The following SLTM variants were observed in gnomAD, a reference collection of about 807,000 sequenced individuals.
SLTM encodes SAFB-like transcription modulator.
A neutral mutation model predicts 134.6 loss-of-function variants in SLTM; 43 were observed. The observed-to-expected ratio is 0.32, with a 90% CI of 0.25 to 0.41. The LOEUF is 0.41. Ranked by LOEUF, SLTM falls within the 10% of genes least tolerant of loss-of-function variation. The probability of loss-of-function intolerance (pLI) is 1.00; values close to 1 mark genes in which losing one functional copy is unlikely to be tolerated. For synonymous variants in SLTM, 424 were observed against 432.3 expected, an observed-to-expected ratio of 0.98 and a Z score of 0.24; for missense variants, 1,055 against 1,288.8, an observed-to-expected ratio of 0.82 and a Z score of 2.78.
chr15:58,913,976 T>C (rs1467540045), intron 3 of SLTM, among the ~76,000 whole-genome samples: 2 of 152,204 alleles, frequency 1.3e-5, no homozygotes, highest in Non-Finnish European at 2.9e-5. Context: ...ATTTAATATT[T>C]ACCAAGCCAG....
At chr15:58,903,870 T>G (rs1182645636) in intron 5 of SLTM, among the ~76,000 whole-genome samples, 2 of 152,248 alleles carry the variant, frequency 1.3e-5, no homozygotes, top group African/African-American at 4.8e-5. Flanking sequence ...GTAAACAGCT[T>G]ATTTATAATA....
intron 9 of SLTM, among the ~76,000 whole-genome samples, chr15:58,896,209 C>A (rs78919512): frequency 2.6e-5 from 4 of 152,106 alleles, no homozygotes; most frequent in Non-Finnish European, 5.9e-5. Flanking sequence ...AAAGCCTCCC[C>A]TTTTTAACAC....
At chr15:58,907,999 C>CTGTG (rs1453964527) in intron 5 of SLTM, among the ~76,000 whole-genome samples, 1 of 43,548 alleles carries the variant, frequency 2.3e-5, no homozygotes, top group Non-Finnish European at 4.3e-5. Context: ...TATAAACATG[C>CTGTG]TGCGTGTGTG....
In SLTM at chr15:58,890,337, C is replaced by T; in HGVS notation, c.2023G>A (p.Glu675Lys). 6.2e-7 allele frequency: 1 copy of T among 1,614,122 alleles called. No homozygotes were observed. The highest frequency in any genetic ancestry group is 8.5e-7 in the Non-Finnish European group (1 of 1,180,006). Residue 675 changes from glutamate (E) to lysine (K), a missense_variant, in exon 15 of 21, where the codon GAG (glutamate) becomes AAG (lysine). Glu to Lys is a moderately conservative substitution (Grantham distance 56). Around this residue, in one of 3 missense-constraint regions of SLTM, gnomAD observed 776 missense variants for 962.2 expected, o/e 0.81. Coordinates refer to ENST00000380516, the MANE Select transcript of SLTM (RefSeq NM_024755.4). Reference protein sequence around the residue: ...ERLEIERQKLERERMERERLE... With the variant: ...ERLEIERQKLKRERMERERLE... ...CGTTCGCGTTCCATTCTCTCTCTCT[C>T]TAGTTTTTGCCTTTCAATTTCTAGG...
intron 19 of SLTM, 132 bp from the exon 20 acceptor site, chr15:58,883,918 T>A (rs1344783617): frequency 2.3e-6 from 2 of 875,640 alleles, no homozygotes; most frequent in African/African-American, 3.4e-5. Context: ...GCTAACATGG[T>A]GCAACCCCGT....
chr15:58,925,048 A>G (rs1219559903), intron 2 of SLTM, among the ~76,000 whole-genome samples: 1 of 147,258 alleles, frequency 6.8e-6, no homozygotes, highest in African/African-American at 2.5e-5. Flanking sequence ...CCCCTTAAAC[A>G]TTCACAAGAG....
At chr15:58,915,143 A>T (rs1314092004) in intron 3 of SLTM, among the ~76,000 whole-genome samples, 1 of 152,192 alleles carries the variant, frequency 6.6e-6, no homozygotes, top group Non-Finnish European at 1.5e-5. Context: ...GCGAGCTGAC[A>T]TCGCACCACT....
Position 58,930,357 on chromosome 15 carries a change from C to T in SLTM, c.250+1999G>A, listed in dbSNP as rs868339745. On this transcript the variant is annotated intron_variant, in intron 2 of 20. Coordinates refer to ENST00000380516, the MANE Select transcript of SLTM (RefSeq NM_024755.4). ...GTTGGCCAGGCTGCTCTCGAATTCC[C>T]GACCGCAGGTGATCCACCCGCCTCA... Among the ~76,000 whole-genome samples, 28 of 150,174 alleles carry T rather than the reference C, an allele frequency of 1.9e-4. No homozygotes were observed. The South Asian group carries it at 5.7e-3, about 31-fold the overall frequency.
chr15:58,901,323 T>G (rs747808398), intron 5 of SLTM, 36 bp from the exon 6 acceptor site: 12 of 1,556,170 alleles, frequency 7.7e-6, no homozygotes, highest in Middle Eastern at 1.7e-4. Flanking sequence ...TAAAATGAAT[T>G]CACATAAAAC....
At chr15:58,914,583 G>A (rs758402260) in intron 3 of SLTM, among the ~76,000 whole-genome samples, 88 of 152,170 alleles carry the variant, frequency 5.8e-4, no homozygotes, top group Non-Finnish European at 1.0e-3. Flanking sequence ...GTAGGGGAGC[G>A]TGAGGGGATG....
intron 4 of SLTM, 81 bp downstream of exon 4, chr15:58,913,418 A>T: frequency 8.3e-7 from 1 of 1,198,836 alleles, no homozygotes; most frequent in Non-Finnish European, 1.1e-6. Context: ...GAGACTTCCA[A>T]ATTGAACTAG....
At chr15:58,930,037 A>T (rs1258805180) in intron 2 of SLTM, among the ~76,000 whole-genome samples, 2 of 152,188 alleles carry the variant, frequency 1.3e-5, no homozygotes. Context: ...TAACAATGAT[A>T]GCCGGATTTC....
At chr15:58,921,990 G>C (rs1162688214) in intron 2 of SLTM, among the ~76,000 whole-genome samples, 9 of 152,054 alleles carry the variant, frequency 5.9e-5, no homozygotes, top group Admixed American at 5.9e-4. Context: ...GACCAGGCTA[G>C]TCTCGAACTC....
In SLTM at chr15:58,889,507, G is replaced by A. The variant is rs778305216; in HGVS notation, c.2127C>T (p.Leu709=). 3 of 1,614,062 alleles carry A rather than the reference G, an allele frequency of 1.9e-6. No homozygotes were observed. In the Admixed American group the frequency reaches 5.0e-5, roughly 27 times the overall value. ...AACGAAGCTGCTGTTGTTGCCTTCT[G>A]AGTTCCTCTCTTTCTCGAGCAATCC... ...AERIAREREE[L]RRQQQQLRYE... The change falls in exon 16 of 21, where the codon CTC becomes CTT. Residue 709 remains leucine (L), a synonymous_variant. Coordinates refer to ENST00000380516, the MANE Select transcript of SLTM (RefSeq NM_024755.4).
chr15:58,932,124 C>G, intron 2 of SLTM: 1 of 403,798 alleles, frequency 2.5e-6, no homozygotes, highest in Non-Finnish European at 4.6e-6. Flanking sequence ...TAATTTTTTC[C>G]GGAAGCAATA....
Position 58,925,832 on chromosome 15 carries a change from C to G in SLTM, c.250+6524G>C, listed in dbSNP as rs144648065. ...CTGTCAAAGGTAATTTAACTGGGTT[C>G]TTAATGAATTACCTTTCTATTCTAC... is the stretch of plus-strand genomic sequence containing the variant. On this transcript the variant is annotated intron_variant, in intron 2 of 20. Transcript: ENST00000380516. Among the ~76,000 whole-genome samples, 835 of 152,258 alleles carry G rather than the reference C, an allele frequency of 5.5e-3. 6 individuals carry two copies. Among genetic ancestry groups the G allele is most frequent in the African/African-American group, 0.019 (801 of 41,558 alleles).
At chr15:58,932,871 C>T (rs1391048207) in intron 1 of SLTM, among the ~76,000 whole-genome samples, 2 of 152,196 alleles carry the variant, frequency 1.3e-5, no homozygotes, top group Non-Finnish European at 2.9e-5. Flanking sequence ...GTAATTATTG[C>T]GCTGATGCAA....
intron 5 of SLTM, among the ~76,000 whole-genome samples, chr15:58,904,488 A>G (rs2035728765): frequency 6.6e-6 from 1 of 152,140 alleles, no homozygotes; most frequent in Non-Finnish European, 1.5e-5. Context: ...TAAATGATCA[A>G]TTGATAACAG....
At chr15:58,902,863 A>T (rs1036311116) in intron 5 of SLTM, among the ~76,000 whole-genome samples, 1 of 151,874 alleles carries the variant, frequency 6.6e-6, no homozygotes, top group African/African-American at 2.4e-5. Flanking sequence ...AGCTAGGATT[A>T]CAGGCACCTG....
Sources: allele counts gnomAD v4.1 joint callset (sites outside exome capture counted in the v4.1 genomes callset), GRCh38; gene constraint gnomAD v4.1.1; regional missense constraint gnomAD v4.1.1; transcripts MANE v1.5; gene names NCBI Gene and HGNC (gene_info 2026-07-23, HGNC 2026-07-21).